Variants in PEAK1 observed in about 807,000 individuals in gnomAD.
The protein encoded by PEAK1 is pseudopodium enriched atypical kinase 1, also known as inactive tyrosine-protein kinase PEAK1.
Under a neutral mutation model 124.7 loss-of-function variants are expected in PEAK1, and 54 were observed. The ratio of observed to expected loss-of-function variants is 0.43; its 90% CI spans 0.35 to 0.54. The LOEUF (loss-of-function observed/expected upper bound fraction) is 0.54. Ranked by LOEUF, PEAK1 falls within the 20% of genes least tolerant of loss-of-function variation. The pLI, the probability that PEAK1 is intolerant of heterozygous loss-of-function variation, is 0.01. For synonymous variants in PEAK1, 719 were observed against 760.0 expected (o/e 0.95, Z 0.89); for missense variants, 2,046 against 2,134.5 (o/e 0.96, Z 0.82).
intron 8 of PEAK1, among the ~76,000 whole-genome samples, chr15:77,154,896 T>A (rs1345780429): frequency 1.3e-5 from 2 of 152,080 alleles, no homozygotes; most frequent in Non-Finnish European, 2.9e-5. Context: ...TAACCCGACC[T>A]TTCTCTCTGG....
intron 6 of PEAK1, among the ~76,000 whole-genome samples, chr15:77,188,511 T>C (rs1013623887): frequency 3.3e-5 from 5 of 152,232 alleles, no homozygotes; most frequent in African/African-American, 1.2e-4. Flanking sequence ...GAAACCACTT[T>C]AGACCCCTAT....
chr15:77,147,669 T>TA (rs924214298), intron 8 of PEAK1, among the ~76,000 whole-genome samples: 8 of 152,186 alleles, frequency 5.3e-5, no homozygotes, highest in Non-Finnish European at 8.8e-5. Flanking sequence ...TGGGGTCAGT[T>TA]AAGGTGTTAC....
At chr15:77,106,722 G>C (rs948917608), downstream of PEAK1, 3 of 152,188 alleles carry the variant, frequency 2.0e-5, no homozygotes, top group Non-Finnish European at 4.4e-5. Context: ...TGGAGCCTCA[G>C]TAAGTTTACT....
chr15:77,217,648 T>A (rs1366734208), intron 6 of PEAK1, among the ~76,000 whole-genome samples: 1 of 152,190 alleles, frequency 6.6e-6, no homozygotes, highest in African/African-American at 2.4e-5. Flanking sequence ...GGGCAACTCA[T>A]TTTTATTCAG....
At chr15:77,367,641 T>G (rs533929951) in intron 1 of PEAK1, among the ~76,000 whole-genome samples, 74 of 152,328 alleles carry the variant, frequency 4.9e-4, no homozygotes, top group Middle Eastern at 3.4e-3. Flanking sequence ...ACATACAATG[T>G]TAATAGTGCT....
At chr15:77,419,721 C>G (rs2073214969) in intron 1 of PEAK1, 1 of 954,012 alleles carries the variant, frequency 1.0e-6, no homozygotes, top group Non-Finnish European at 1.2e-6. Flanking sequence ...GGGCGTCGCG[C>G]TCCCGGGGCC....
rs140333649 is a variant in PEAK1 at position 77,362,325 on chromosome 15, G to A, written c.-603+2838C>T. 9.5e-3 allele frequency among the ~76,000 whole-genome samples: 1,436 copies of A among 151,508 alleles called. 14 individuals carry two copies. Among genetic ancestry groups the A allele is most frequent in the Non-Finnish European group, 0.015 (1,012 of 67,866 alleles). On this transcript the variant is annotated intron_variant, in intron 2 of 9. Coordinates refer to ENST00000682557, the MANE Select transcript of PEAK1 (RefSeq NM_001385026.1). Reference sequence around the variant, plus strand: ...AACATCACTATGTACCTATGAATATGTACAATTATTATTGTCAATTAAAAA... The same window carrying A: ...AACATCACTATGTACCTATGAATATATACAATTATTATTGTCAATTAAAAA...
chr15:77,141,605 G>C (rs2053791251), intron 8 of PEAK1, among the ~76,000 whole-genome samples: 1 of 152,110 alleles, frequency 6.6e-6, no homozygotes, highest in African/African-American at 2.4e-5. Flanking sequence ...AGTTGGAAAA[G>C]TTACACTTTC....
At chr15:77,371,849 G>A (rs927713492) in intron 1 of PEAK1, among the ~76,000 whole-genome samples, 6 of 152,174 alleles carry the variant, frequency 3.9e-5, no homozygotes, top group Non-Finnish European at 7.4e-5. Flanking sequence ...GCGCCACTGC[G>A]CTCCAACCCG....
chr15:77,374,363 T>C (rs1362728624), intron 1 of PEAK1, among the ~76,000 whole-genome samples: 2 of 152,200 alleles, frequency 1.3e-5, no homozygotes, highest in Admixed American at 6.5e-5. Context: ...ATCACAGAAA[T>C]GTACCTAGAA....
chr15:77,112,764 G>A lies in PEAK1; in HGVS notation c.*1392C>T, dbSNP rs2051061870. On this transcript the variant is annotated 3_prime_UTR_variant, in exon 10 of 10. Coordinates refer to ENST00000682557, the MANE Select transcript of PEAK1 (RefSeq NM_001385026.1). ...AAATATGTGCCAAGGGAAGAAGGGG[G>A]AGGGTTTCTGTAGACTCGCTTCAGG... 6.6e-6 allele frequency: 1 copy of A among 152,366 alleles called. No homozygotes were observed. Among genetic ancestry groups the A allele is most frequent in the African/African-American group, 2.4e-5 (1 of 41,450 alleles). 9.4% of individuals were successfully genotyped at this position (152,366 alleles called of 1,614,324 possible). A position where few individuals can be genotyped will look rare whatever the true frequency, so the allele number is the denominator to read the frequency against.
intron 2 of PEAK1, among the ~76,000 whole-genome samples, chr15:77,364,137 TGCG>T (rs1233796784): frequency 1.3e-5 from 2 of 152,144 alleles, no homozygotes; most frequent in African/African-American, 4.8e-5. Context: ...AGGCAGAGGT[TGCG>T]GTGAACCAAG....
chr15:77,150,511 T>A (rs925635603), intron 8 of PEAK1, among the ~76,000 whole-genome samples: 7 of 152,006 alleles, frequency 4.6e-5, no homozygotes, highest in African/African-American at 1.7e-4. Flanking sequence ...TAATTATTTA[T>A]TTATTTTATT....
chr15:77,370,638 C>T (rs1597473945), intron 1 of PEAK1: 1 of 952,494 alleles, frequency 1.0e-6, no homozygotes, highest in African/African-American at 1.8e-5. Context: ...TTGAATGTTA[C>T]CAAAACCCAC....
intron 1 of PEAK1, among the ~76,000 whole-genome samples, chr15:77,400,526 A>G (rs1402611463): frequency 6.6e-6 from 1 of 152,136 alleles, no homozygotes; most frequent in Non-Finnish European, 1.5e-5. Flanking sequence ...ATGGAAATGG[A>G]GGTCATTATG....
Position 77,313,680 on chromosome 15 carries a change from G to A in PEAK1, c.-602-27176C>T, listed in dbSNP as rs1197040950. Among the ~76,000 whole-genome samples, 39 of 117,874 alleles carry A rather than the reference G, an allele frequency of 3.3e-4. 1 individual carries two copies. Among genetic ancestry groups the A allele is most frequent in the African/African-American group, 1.5e-3 (36 of 24,684 alleles). 77.3% of individuals were successfully genotyped at this position (117,874 alleles called of 152,430 possible). A position where few individuals can be genotyped will look rare whatever the true frequency, so the allele number is the denominator to read the frequency against. The stretch of plus-strand genomic sequence containing the variant: ...TGTGTGTGTGTGTGTGTGTGTGTGT[G>A]TGTGTGTGTGTGTATATATATATAT... On this transcript the variant is annotated intron_variant, in intron 2 of 9. Coordinates refer to ENST00000682557, the MANE Select transcript of PEAK1 (RefSeq NM_001385026.1).
intron 6 of PEAK1, among the ~76,000 whole-genome samples, chr15:77,225,018 T>A (rs2059568244): frequency 6.6e-6 from 1 of 152,052 alleles, no homozygotes; most frequent in South Asian, 2.1e-4. Context: ...AATTTCATCA[T>A]GTGACTTGCT....
downstream of PEAK1, chr15:77,105,357 T>TGTGTGTGTGC (rs1555407960): frequency 1.2e-5 from 1 of 85,348 alleles, no homozygotes; most frequent in African/African-American, 4.1e-5. Flanking sequence ...TGTGTGTGTG[T>TGTGTGTGTGC]GCGCGCGTGC....
At chr15:77,393,030 C>G (rs2070606927) in intron 1 of PEAK1, among the ~76,000 whole-genome samples, 1 of 152,174 alleles carries the variant, frequency 6.6e-6, no homozygotes, top group African/African-American at 2.4e-5. Flanking sequence ...CAGCGGAAAG[C>G]AAGACCAGGC....
Sources: allele counts gnomAD v4.1 joint callset (sites outside exome capture counted in the v4.1 genomes callset), GRCh38; gene constraint gnomAD v4.1.1; transcripts MANE v1.5; gene names NCBI Gene and HGNC (gene_info 2026-07-23, HGNC 2026-07-21).